MAGI2: variants seen among roughly 807,000 people sequenced by gnomAD.
The protein encoded by MAGI2 is membrane associated guanylate kinase, WW and PDZ domain containing 2.
Under a neutral mutation model 133.3 loss-of-function variants are expected in MAGI2, and 35 were observed. The observed-to-expected ratio is 0.26, with a 90% CI of 0.20 to 0.35. MAGI2 has a LOEUF of 0.35. MAGI2 is among the 10% of genes least tolerant of loss of function. MAGI2 has a pLI of 1.00. For synonymous variants in MAGI2, 729 were observed against 710.6 expected, an observed-to-expected ratio of 1.03 and a Z score of -0.41; for missense variants, 1,636 against 1,863.4, an observed-to-expected ratio of 0.88 and a Z score of 2.25.
Position 78,256,982 on chromosome 7 carries a change from C to T in MAGI2, c.1409-401G>A, listed in dbSNP as rs78994620. 5.3e-4 allele frequency among the ~76,000 whole-genome samples: 80 copies of T among 152,152 alleles called. No homozygotes were observed. In the East Asian group the frequency reaches 0.011, roughly 22 times the overall value. ...AGAAGTAGTGGTCATGAGTTTTAGA[C>T]GAAAAACAAAGCCCTAGCATATTTT... On this transcript the variant is annotated intron_variant, in intron 9 of 21. Transcript: ENST00000354212.
In MAGI2 at chr7:78,975,942, G is replaced by T. The variant is rs570481310; in HGVS notation, c.418+31148C>A. Among the ~76,000 whole-genome samples the T allele has an allele frequency of 1.9e-4, 29 of 151,680 alleles. No individual in the cohort carries two copies. In the South Asian group the frequency reaches 6.0e-3, roughly 31 times the overall value. ...CATGAAATGAATCAATTCCTTGAAT[G>T]ACATAAACTATCAAAACTCACATAA... On this transcript the variant is annotated intron_variant, in intron 2 of 21. Transcript: ENST00000354212.
At chr7:78,682,126 T>C (rs1815738073) in intron 2 of MAGI2, among the ~76,000 whole-genome samples, 1 of 152,106 alleles carries the variant, frequency 6.6e-6, no homozygotes, top group Admixed American at 6.6e-5. Flanking sequence ...TATATTTCTA[T>C]CTTCCAATAA....
chr7:78,317,733 G>T (rs988844832), intron 9 of MAGI2, among the ~76,000 whole-genome samples: 8 of 152,140 alleles, frequency 5.3e-5, no homozygotes, highest in African/African-American at 1.9e-4. Context: ...ACCTCATACA[G>T]GAGAGCTCTG....
intron 1 of MAGI2, among the ~76,000 whole-genome samples, chr7:79,386,473 A>T (rs989988866): frequency 1.3e-5 from 2 of 152,080 alleles, no homozygotes; most frequent in Non-Finnish European, 2.9e-5. Context: ...AGCTAATGCA[A>T]CAAGAATCAT....
chr7:78,670,871 A>G (rs75624652), intron 2 of MAGI2, among the ~76,000 whole-genome samples: 2,801 of 152,312 alleles, frequency 0.018, 81 homozygotes, highest in African/African-American at 0.063. Context: ...CTACTTTATC[A>G]TTAAAAATTT....
At chr7:78,291,700 C>T (rs1425825509) in intron 9 of MAGI2, among the ~76,000 whole-genome samples, 13 of 152,252 alleles carry the variant, frequency 8.5e-5, no homozygotes, top group Admixed American at 5.2e-4. Context: ...ACTGGCAAAC[C>T]GAATCCAGCA....
chr7:79,125,604 T>C, intron 1 of MAGI2: 1 of 508,402 alleles, frequency 2.0e-6, no homozygotes, highest in Non-Finnish European at 3.9e-6. Context: ...CTGGTGGTGG[T>C]AGTGAAAGCA....
At position 79,437,091 on chromosome 7, in the gene MAGI2, G is replaced by A. The variant is rs150412994; in HGVS notation, c.301+15929C>T. ...CCATTATCCTAAGAAAATTAATGCA[G>A]AAACAGAAAACCAAATACCACATAT... On this transcript the variant is annotated intron_variant, in intron 1 of 21. Transcript: ENST00000354212. 3.6e-3 allele frequency among the ~76,000 whole-genome samples: 542 copies of A among 152,154 alleles called. 3 individuals carry two copies. The highest frequency in any genetic ancestry group is 0.012 in the African/African-American group (502 of 41,496).
At chr7:78,676,334 T>A (rs1287654495) in intron 2 of MAGI2, among the ~76,000 whole-genome samples, 1 of 152,144 alleles carries the variant, frequency 6.6e-6, no homozygotes, top group African/African-American at 2.4e-5. Context: ...CAAGAACAAG[T>A]AAGAATTGTT....
chr7:78,612,495 T>C (rs547483257), intron 3 of MAGI2, among the ~76,000 whole-genome samples: 237 of 152,202 alleles, frequency 1.6e-3, no homozygotes, highest in African/African-American at 4.3e-3. Context: ...CAAGAATAAA[T>C]GAAAACAAAT....
At chr7:79,129,976 T>C (rs770414885) in intron 1 of MAGI2, among the ~76,000 whole-genome samples, 6 of 152,094 alleles carry the variant, frequency 3.9e-5, no homozygotes, top group Non-Finnish European at 7.4e-5. Flanking sequence ...AGAATTAGTC[T>C]CACGGTTATT....
intron 20 of MAGI2, among the ~76,000 whole-genome samples, chr7:78,118,135 C>G (rs1820063996): frequency 6.6e-6 from 1 of 152,188 alleles, no homozygotes; most frequent in Admixed American, 6.5e-5. Flanking sequence ...ACTGGAACAA[C>G]TGGACATCCA....
chr7:78,172,291 G>A (rs1237645201), intron 14 of MAGI2, among the ~76,000 whole-genome samples: 1 of 152,154 alleles, frequency 6.6e-6, no homozygotes, highest in Non-Finnish European at 1.5e-5. Flanking sequence ...CTGCTCTGTA[G>A]TATCTGTAGC....
At chr7:78,911,305 A>G (rs1288995817) in intron 2 of MAGI2, among the ~76,000 whole-genome samples, 1 of 152,208 alleles carries the variant, frequency 6.6e-6, no homozygotes, top group Non-Finnish European at 1.5e-5. Flanking sequence ...CTGTATCTGA[A>G]TATTTGTATT....
chr7:79,029,480 A>G (rs919676793), intron 1 of MAGI2, among the ~76,000 whole-genome samples: 7 of 152,134 alleles, frequency 4.6e-5, no homozygotes, highest in Admixed American at 3.9e-4. Flanking sequence ...AGCTATCATT[A>G]TATTTGGTGA....
intron 4 of MAGI2, among the ~76,000 whole-genome samples, chr7:78,508,827 T>C (rs780619807): frequency 5.2e-4 from 79 of 152,146 alleles, no homozygotes; most frequent in Non-Finnish European, 9.6e-4. Flanking sequence ...AGTAAAATTG[T>C]CCTTTTTGAC....
At chr7:78,309,302 A>C (rs1222059052) in intron 9 of MAGI2, among the ~76,000 whole-genome samples, 1 of 152,234 alleles carries the variant, frequency 6.6e-6, no homozygotes, top group Non-Finnish European at 1.5e-5. Context: ...GCCCATCAAC[A>C]GTGGTTTGGA....
chr7:78,347,861 G>A (rs1262615787), intron 7 of MAGI2, among the ~76,000 whole-genome samples: 1 of 152,186 alleles, frequency 6.6e-6, no homozygotes, highest in African/African-American at 2.4e-5. Flanking sequence ...CCAAGGCCTT[G>A]TGCATCATGA....
intron 1 of MAGI2, among the ~76,000 whole-genome samples, chr7:79,239,363 A>AT (rs1320008018): frequency 3.9e-5 from 6 of 152,108 alleles, no homozygotes; most frequent in Non-Finnish European, 7.4e-5. Flanking sequence ...ATAAAGATAG[A>AT]TTTTTTATTT....
Sources: allele counts gnomAD v4.1 joint callset (sites outside exome capture counted in the v4.1 genomes callset), GRCh38; gene constraint gnomAD v4.1.1; transcripts MANE v1.5; gene names NCBI Gene and HGNC (gene_info 2026-07-23, HGNC 2026-07-21).